Variants in APLP2 observed in about 807,000 individuals in gnomAD.
APLP2 encodes CDEI box-binding protein.
In APLP2, 53 loss-of-function variants were observed where a neutral mutation model predicts 89.9. The ratio of observed to expected loss-of-function variants is 0.59; its 90% CI spans 0.47 to 0.74. The LOEUF is 0.74. Among genes scored for constraint, APLP2 ranks in the 30% least tolerant of loss-of-function variants. APLP2 has a pLI of 0.00. For synonymous variants in APLP2, 372 were observed against 348.6 expected (o/e 1.07, Z -0.75); for missense variants, 973 against 975.9 (o/e 1.00, Z 0.04).
intron 1 of APLP2, among the ~76,000 whole-genome samples, chr11:130,093,921 A>G (rs540926572): frequency 6.7e-6 from 1 of 150,222 alleles, no homozygotes; most frequent in East Asian, 2.0e-4. Context: ...TTTTTTTTGT[A>G]TTTTTAGTAG....
At position 130,141,867 on chromosome 11, in the gene APLP2, C is replaced by G; in HGVS notation, c.1999-52C>G. 1 of 1,561,644 alleles carries G rather than the reference C, an allele frequency of 6.4e-7. No homozygotes were observed. The highest frequency in any genetic ancestry group is 1.2e-5 in the South Asian group (1 of 83,750). On this transcript the variant is annotated intron_variant, in intron 15 of 16. Transcript: ENST00000338167. This position sits in a 1 kb window ranked among gnomAD's most constrained non-coding sequence, Gnocchi z 4.2. Reference sequence around the variant, plus strand: ...GGCCCTCAGTGAGTTACTTGCCTCACGGCTGCCAGATGGTCACTGGGACTT... The same window carrying G: ...GGCCCTCAGTGAGTTACTTGCCTCAGGGCTGCCAGATGGTCACTGGGACTT...
intron 1 of APLP2, among the ~76,000 whole-genome samples, chr11:130,088,175 A>T (rs1485841142): frequency 6.6e-6 from 1 of 152,202 alleles, no homozygotes; most frequent in Non-Finnish European, 1.5e-5. Flanking sequence ...TTCACTCAGC[A>T]TAATTGGTTA....
rs762600133 is a variant in APLP2, at chr11:130,101,893, C to A, written c.106-7536C>A. ...CCTGTTCCGGGATCCTGTCCAGGCG[C>A]CTGCATTGCATTTACTTGTCATTTC... is the stretch of plus-strand genomic sequence containing the variant. On this transcript the variant is annotated intron_variant, in intron 1 of 16. Coordinates refer to ENST00000338167, the MANE Select transcript of APLP2 (RefSeq NM_001142276.2). 30 of 452,374 alleles carry A rather than the reference C, an allele frequency of 6.6e-5. 2 individuals carry two copies. The highest frequency in any genetic ancestry group is 4.6e-4 in the South Asian group (29 of 63,456). 28.0% of individuals were successfully genotyped at this position (452,374 alleles called of 1,614,324 possible).
At chr11:130,109,314 A>G (rs1395431863) in intron 1 of APLP2, 115 bp from the exon 2 acceptor site, 4 of 913,826 alleles carry the variant, frequency 4.4e-6, no homozygotes, top group African/African-American at 1.7e-5. Flanking sequence ...GTGAAGATAC[A>G]AATAGTAAAT....
chr11:130,086,908 G>A (rs1944202740), intron 1 of APLP2, among the ~76,000 whole-genome samples: 1 of 152,182 alleles, frequency 6.6e-6, no homozygotes, highest in Non-Finnish European at 1.5e-5. Flanking sequence ...TTTGAAATCA[G>A]GAAGTATGAG....
chr11:130,132,979 C>G (rs200971812), intron 11 of APLP2, among the ~76,000 whole-genome samples: 1 of 141,218 alleles, frequency 7.1e-6, no homozygotes, highest in African/African-American at 2.5e-5. Context: ...AATTAGAGTT[C>G]TTTTTTTTTT....
chr11:130,103,859 A>C (rs192742430), intron 1 of APLP2, among the ~76,000 whole-genome samples: 2 of 152,320 alleles, frequency 1.3e-5, no homozygotes, highest in Non-Finnish European at 2.9e-5. Context: ...TTAATGTAAA[A>C]ATATAGAAGG....
Position 130,141,712 on chromosome 11 carries a change from A to T in APLP2, c.1998+140A>T. 1 of 931,430 alleles carries T rather than the reference A, an allele frequency of 1.1e-6. No individual in the cohort carries two copies. Among genetic ancestry groups the T allele is most frequent in the Non-Finnish European group, 1.6e-6 (1 of 625,382 alleles). 57.7% of individuals were successfully genotyped at this position (931,430 alleles called of 1,614,324 possible). A position where few individuals can be genotyped will look rare whatever the true frequency, so the allele number is the denominator to read the frequency against. ...CATCCCCAGCTTTCCGTACTTTTGG[A>T]TAAGAAAGCTAAAATTAAAATCTCC... is the stretch of plus-strand genomic sequence containing the variant. On this transcript the variant is annotated intron_variant, in intron 15 of 16. Transcript: ENST00000338167. This position sits in a 1 kb window ranked among gnomAD's most constrained non-coding sequence, Gnocchi z 4.2.
Position 130,129,107 on chromosome 11 carries a change from G to A in APLP2, c.1356G>A (p.Leu452=). 1 of 1,614,218 alleles carries A rather than the reference G, an allele frequency of 6.2e-7. No homozygotes were observed. The highest frequency in any genetic ancestry group is 8.5e-7 in the Non-Finnish European group (1 of 1,180,034). Residue 452 remains leucine, a synonymous_variant, in exon 10 of 17, where the codon CTG becomes CTA. Transcript: ENST00000338167. The stretch of plus-strand genomic sequence containing the variant: ...AAGCAGCCAGTGAGAAGCAGCAGCT[G>A]GTGGAGACCCACCTGGCCCGAGTGG... ...EKEAASEKQQ[L]VETHLARVEA...
intron 13 of APLP2, 143 bp downstream of exon 13, chr11:130,135,858 C>G: frequency 9.8e-7 from 1 of 1,018,674 alleles, no homozygotes; most frequent in South Asian, 1.6e-5. Context: ...ATTCATTGAG[C>G]GCCTACTGTG....
At chr11:130,104,561 C>T (rs1050925887) in intron 1 of APLP2, among the ~76,000 whole-genome samples, 3 of 152,100 alleles carry the variant, frequency 2.0e-5, no homozygotes, top group African/African-American at 7.2e-5. Flanking sequence ...GCACATCTGT[C>T]TTGTGCATCC....
chr11:130,083,098 C>A (rs1323391524), intron 1 of APLP2, among the ~76,000 whole-genome samples: 1 of 132,546 alleles, frequency 7.5e-6, no homozygotes, highest in East Asian at 2.6e-4. Flanking sequence ...TGCAGTGGCA[C>A]AATCATAGCT....
chr11:130,081,850 C>G (rs1943207786), intron 1 of APLP2, among the ~76,000 whole-genome samples: 1 of 152,000 alleles, frequency 6.6e-6, no homozygotes, highest in Non-Finnish European at 1.5e-5. Context: ...CTGTGGATAT[C>G]TTTTAAAAAA....
At chr11:130,124,413 G>A (rs1950161040) in intron 7 of APLP2, among the ~76,000 whole-genome samples, 1 of 152,218 alleles carries the variant, frequency 6.6e-6, no homozygotes, top group South Asian at 2.1e-4. Context: ...GTGCTTTGGT[G>A]TGACAGGAAG....
At chr11:130,129,019 C>G in intron 9 of APLP2, 29 bp from the exon 10 acceptor site, 1 of 1,600,150 alleles carries the variant, frequency 6.2e-7, no homozygotes, top group African/African-American at 1.3e-5. Flanking sequence ...TGCCACAAAT[C>G]ATGTGTGGTT....
rs201076312 is a variant in APLP2 at position 130,110,671 on chromosome 11, C to A, written c.403+10C>A. 6.3e-7 allele frequency: 1 copy of A among 1,588,042 alleles called. No homozygotes were observed. Among genetic ancestry groups the A allele is most frequent in the South Asian group, 1.1e-5 (1 of 89,354 alleles). On this transcript the variant is annotated intron_variant, in intron 3 of 16. Coordinates refer to ENST00000338167, the MANE Select transcript of APLP2 (RefSeq NM_001142276.2). Reference sequence around the variant, plus strand: ...CCTTTCAAGTGTCTCGGTGAGTGTTCTTGGTTACTTTTCAGGAAGTGCCAG... The same window carrying A: ...CCTTTCAAGTGTCTCGGTGAGTGTTATTGGTTACTTTTCAGGAAGTGCCAG...
intron 1 of APLP2, among the ~76,000 whole-genome samples, chr11:130,105,625 G>A (rs1012535622): frequency 2.0e-5 from 3 of 151,730 alleles, no homozygotes; most frequent in Admixed American, 1.3e-4. Flanking sequence ...CTATAACCAC[G>A]AGTAATGGAT....
rs974932248 is a variant in APLP2, at chr11:130,070,625, C to T, written c.105+543C>T. 6.2e-6 allele frequency: 9 copies of T among 1,448,800 alleles called. No homozygotes were observed. The African/African-American group carries it at 8.9e-5, about 14-fold the overall frequency. 89.7% of individuals were successfully genotyped at this position (1,448,800 alleles called of 1,614,324 possible). ...GCGCGCGGCAGGGATGCTGCGAGCC[C>T]CGGGGGAGCTCCCGCGCCAGGCCGC... is the stretch of plus-strand genomic sequence containing the variant. On this transcript the variant is annotated intron_variant, in intron 1 of 16. Transcript: ENST00000338167.
At chr11:130,133,572 C>A in intron 11 of APLP2, 57 bp from the exon 12 acceptor site, 3 of 1,295,966 alleles carry the variant, frequency 2.3e-6, no homozygotes, top group Non-Finnish European at 3.4e-6. Flanking sequence ...CTGCAAGTTC[C>A]CTCCTGGCCT....
Sources: allele counts gnomAD v4.1 joint callset (sites outside exome capture counted in the v4.1 genomes callset), GRCh38; gene constraint gnomAD v4.1.1; non-coding constraint Gnocchi (gnomAD v3.1); transcripts MANE v1.5; gene names NCBI Gene and HGNC (gene_info 2026-07-23, HGNC 2026-07-21).